The following DNAH3 variants were observed in gnomAD, a reference collection of about 807,000 sequenced individuals.
DNAH3 encodes axonemal beta dynein heavy chain 3.
In DNAH3, 332 loss-of-function variants were observed where a neutral mutation model predicts 432.5. That is an observed-to-expected ratio of 0.77 (90% CI 0.70 to 0.84). The LOEUF is 0.84. DNAH3 is among the 40% of genes least tolerant of loss of function. The pLI is 0.00. For missense variants in DNAH3, 4,861 were observed against 5,114.0 expected, an observed-to-expected ratio of 0.95 and a Z score of 1.51; for synonymous variants, 1,956 against 1,900.2, an observed-to-expected ratio of 1.03 and a Z score of -0.76.
At chr16:21,082,684 C>G (rs1320220789) in intron 19 of DNAH3, among the ~76,000 whole-genome samples, 7 of 152,020 alleles carry the variant, frequency 4.6e-5, no homozygotes, top group African/African-American at 1.7e-4. Flanking sequence ...CAAAAATTAG[C>G]TGGGCACGGT....
intron 18 of DNAH3, among the ~76,000 whole-genome samples, chr16:21,089,957 T>C (rs1020196357): frequency 6.6e-5 from 10 of 151,918 alleles, no homozygotes; most frequent in Non-Finnish European, 1.3e-4. Flanking sequence ...AGAAAGAAGA[T>C]GCAAATTACC....
chr16:21,025,169 G>A (rs2088478754), intron 38 of DNAH3, among the ~76,000 whole-genome samples: 1 of 151,864 alleles, frequency 6.6e-6, no homozygotes, highest in Non-Finnish European at 1.5e-5. Context: ...AGAACTCCTG[G>A]CCTCAAGTGA....
At chr16:21,149,170 A>G (rs562901708) in intron 1 of DNAH3, among the ~76,000 whole-genome samples, 2 of 151,770 alleles carry the variant, frequency 1.3e-5, no homozygotes, top group East Asian at 3.9e-4. Flanking sequence ...CAGACGCTTC[A>G]GTGAGTGAAG....
At chr16:20,970,041 TG>T (rs1231678059) in intron 51 of DNAH3, 51 bp from the exon 52 acceptor site, 2 of 1,561,230 alleles carry the variant, frequency 1.3e-6, no homozygotes. Flanking sequence ...CCTGGCACAA[TG>T]GGGGCGAAGC....
chr16:21,134,390 C>G, exon 7 of DNAH3: 1 of 1,614,192 alleles, frequency 6.2e-7, no homozygotes, highest in Non-Finnish European at 8.5e-7. Context: ...TTTGAGGAAA[C>G]AAGCGGGGGA....
chr16:21,074,940 A>AT (rs1208543805), intron 21 of DNAH3, among the ~76,000 whole-genome samples: 2 of 152,204 alleles, frequency 1.3e-5, no homozygotes, highest in Non-Finnish European at 2.9e-5. Flanking sequence ...GTGAAAAGAA[A>AT]GAAACCTACA....
At chr16:21,076,814 GA>G (rs572327077) in intron 20 of DNAH3, among the ~76,000 whole-genome samples, 25 of 152,038 alleles carry the variant, frequency 1.6e-4, no homozygotes, top group Non-Finnish European at 3.4e-4. Context: ...CCTGATTCAC[GA>G]ATCTTGATTA....
intron 16 of DNAH3, among the ~76,000 whole-genome samples, chr16:21,100,827 C>T (rs1191170129): frequency 1.3e-5 from 2 of 152,162 alleles, no homozygotes; most frequent in Non-Finnish European, 2.9e-5. Context: ...TTTGAAGCTC[C>T]AAATACTATA....
chr16:21,082,152 A>G (rs1464082901), intron 19 of DNAH3, among the ~76,000 whole-genome samples: 1 of 152,088 alleles, frequency 6.6e-6, no homozygotes, highest in East Asian at 1.9e-4. Flanking sequence ...CTCCCACCAT[A>G]GCCTCCCAAA....
chr16:20,982,834 C>A, exon 49 of DNAH3: 4 of 1,614,150 alleles, frequency 2.5e-6, no homozygotes, highest in Non-Finnish European at 3.4e-6. Flanking sequence ...AATTGATCAG[C>A]GAAGGGAACA....
At position 21,057,895 on chromosome 16, in the gene DNAH3, C is replaced by T. The variant is rs191421282; in HGVS notation, c.3924+191G>A. Among the ~76,000 whole-genome samples the T allele has an allele frequency of 2.6e-5, 4 of 152,284 alleles. No individual in the cohort carries two copies. The East Asian group carries it at 7.7e-4, about 29-fold the overall frequency. On this transcript the variant is annotated intron_variant, in intron 27 of 61. Transcript: ENST00000261383. ...GGGAAGGACTATGAGAGGTCTCGTA[C>T]CATAGAATTGCAGGACAGCTCGAAT...
intron 20 of DNAH3, among the ~76,000 whole-genome samples, chr16:21,081,301 G>A (rs1298478497): frequency 6.6e-6 from 1 of 151,540 alleles, no homozygotes; most frequent in Admixed American, 6.6e-5. Context: ...TAAAGAAGAG[G>A]AAACCGAGGC....
chr16:21,137,152 A>T (rs1023555040), intron 5 of DNAH3, among the ~76,000 whole-genome samples: 3 of 151,478 alleles, frequency 2.0e-5, no homozygotes, highest in Non-Finnish European at 2.9e-5. Flanking sequence ...ACAAAAAAAC[A>T]TTAGATTTTC....
chr16:21,156,897 A>G (rs2092901179), intron 1 of DNAH3, among the ~76,000 whole-genome samples: 1 of 150,010 alleles, frequency 6.7e-6, no homozygotes, highest in Admixed American at 6.7e-5. Flanking sequence ...ACGCCCCTAG[A>G]TGGCACTCTT....
At chr16:21,079,326 T>C (rs988115855) in intron 20 of DNAH3, among the ~76,000 whole-genome samples, 4 of 152,136 alleles carry the variant, frequency 2.6e-5, no homozygotes, top group African/African-American at 7.2e-5. Context: ...GTTTTTGTGA[T>C]GGATAAATGT....
chr16:21,060,491 C>G (rs1005425701), intron 25 of DNAH3, 135 bp from the exon 26 acceptor site: 23 of 571,712 alleles, frequency 4.0e-5, no homozygotes, highest in Non-Finnish European at 6.8e-5. Flanking sequence ...AGTCAATATT[C>G]TCTGTCTCCC....
chr16:21,153,754 C>T (rs560336477), intron 1 of DNAH3, among the ~76,000 whole-genome samples: 1 of 152,248 alleles, frequency 6.6e-6, no homozygotes, highest in South Asian at 2.1e-4. Context: ...ACCTTAAGAG[C>T]TGTAACACTC....
At chr16:21,108,001 A>G (rs1180061280) in intron 14 of DNAH3, among the ~76,000 whole-genome samples, 1 of 151,848 alleles carries the variant, frequency 6.6e-6, no homozygotes, top group Non-Finnish European at 1.5e-5. Flanking sequence ...AGTAGCTGGG[A>G]TTACAGGCAC....
chr16:20,944,345 A>G (rs1433269475), intron 58 of DNAH3, 151 bp downstream of exon 58: 1 of 819,708 alleles, frequency 1.2e-6, no homozygotes, highest in African/African-American at 1.7e-5. Flanking sequence ...GACTCCCGGC[A>G]GTAAGGCCAC....
Sources: gnomAD v4.1 joint callset for allele counts (sites outside exome capture counted in the v4.1 genomes callset) on GRCh38, gnomAD v4.1.1 for gene constraint, MANE v1.5 for transcripts, NCBI Gene and HGNC (gene_info 2026-07-23, HGNC 2026-07-21) for gene names.